The following MBNL2 variants were observed in gnomAD, a reference collection of about 807,000 sequenced individuals.
MBNL2 encodes the protein muscleblind like splicing regulator 2, also known as muscleblind-like protein 2.
MBNL2 carries 17 observed loss-of-function variants against 41.9 expected under a neutral mutation model. That is an observed-to-expected ratio of 0.41 (90% CI 0.28 to 0.61). The LOEUF (loss-of-function observed/expected upper bound fraction) is 0.61, where lower values mean the gene tolerates loss of function less well. MBNL2 is among the 20% of genes least tolerant of loss of function. The probability of loss-of-function intolerance (pLI) is 0.35; values close to 1 mark genes in which losing one functional copy is unlikely to be tolerated. For missense variants in MBNL2, 336 were observed against 505.6 expected (o/e 0.66, Z 3.22); for synonymous variants, 195 against 182.9 (o/e 1.07, Z -0.53).
chr13:97,165,654 CAG>C, the MBNL2 span, among the ~76,000 whole-genome samples: 18 of 152,162 alleles, frequency 1.2e-4, no homozygotes, highest in Non-Finnish European at 2.1e-4. Flanking sequence ...TCCGCACTAA[CAG>C]AGACACTCAA....
At chr13:97,382,098 T>A (rs1280741798) in intron 8 of MBNL2, among the ~76,000 whole-genome samples, 1 of 152,208 alleles carries the variant, frequency 6.6e-6, no homozygotes, top group African/African-American at 2.4e-5. Flanking sequence ...TTTCTTAGTG[T>A]GTCCCACATA....
intron 2 of MBNL2, among the ~76,000 whole-genome samples, chr13:97,327,908 G>A (rs938074852): frequency 3.3e-5 from 5 of 152,246 alleles, no homozygotes; most frequent in African/African-American, 9.6e-5. Flanking sequence ...AAAAGAAAGT[G>A]TCAATAGTAA....
chr13:97,388,764 C>G (rs1370196125), intron 8 of MBNL2, among the ~76,000 whole-genome samples: 1 of 152,056 alleles, frequency 6.6e-6, no homozygotes, highest in Non-Finnish European at 1.5e-5. Context: ...CCCCAGAGTA[C>G]AGATAATACA....
intron 2 of MBNL2, among the ~76,000 whole-genome samples, chr13:97,315,278 T>A (rs77245379): frequency 0.076 from 11,628 of 152,276 alleles, 665 homozygotes; most frequent in African/African-American, 0.16. Context: ...TCACTCCAGA[T>A]CTCATCCCAC....
chr13:97,225,626 G>A lies in MBNL2; in HGVS notation c.-605+3095G>A, dbSNP rs112471517. 6.2e-3 allele frequency among the ~76,000 whole-genome samples: 938 copies of A among 152,244 alleles called. 5 individuals carry two copies. Among genetic ancestry groups the A allele is most frequent in the Middle Eastern group, 0.01 (3 of 294 alleles). Reference sequence around the variant, plus strand: ...AGATAAAGGGGGTTATAAAAAGGTAGGGAGGTGTGGGCATAAAAATCAACA... The same window carrying A: ...AGATAAAGGGGGTTATAAAAAGGTAAGGAGGTGTGGGCATAAAAATCAACA... On this transcript the variant is annotated intron_variant, in intron 1 of 8. Transcript: ENST00000679496.
At chr13:97,233,541 C>A (rs1481431781) in intron 1 of MBNL2, among the ~76,000 whole-genome samples, 2 of 151,838 alleles carry the variant, frequency 1.3e-5, no homozygotes, top group Non-Finnish European at 2.9e-5. Context: ...TGAGTCTTAG[C>A]TGGTGGAAGG....
chr13:97,192,866 A>C, the MBNL2 span, among the ~76,000 whole-genome samples: 15 of 152,372 alleles, frequency 9.8e-5, no homozygotes, highest in African/African-American at 3.6e-4. Context: ...TCCAGTATCC[A>C]ATAGTTTCAC....
chr13:97,302,469 G>A (rs1450337829), intron 2 of MBNL2, among the ~76,000 whole-genome samples: 2 of 152,180 alleles, frequency 1.3e-5, no homozygotes, highest in East Asian at 1.9e-4. Flanking sequence ...GAGAATGGAC[G>A]TAATCTGGTA....
rs34820289 is a variant in MBNL2 at position 97,334,148 on chromosome 13, CCACACACACACACACA to C, written c.175-115_175-100del. 3.7e-6 allele frequency: 2 copies of C among 547,336 alleles called. No individual in the cohort carries two copies. Among genetic ancestry groups the C allele is most frequent in the Non-Finnish European group, 6.4e-6 (2 of 312,032 alleles). 33.9% of individuals were successfully genotyped at this position (547,336 alleles called of 1,614,324 possible). On this transcript the variant is annotated intron_variant, in intron 2 of 8. Coordinates refer to ENST00000679496, the MANE Select transcript of MBNL2 (RefSeq NM_001382683.1). This position sits in a 1 kb window ranked among gnomAD's most constrained non-coding sequence, Gnocchi z 5.3. ...AACACATGAGCATGCGCGCGCACAC[CCACACACACACACACA>C]CACACACACACAGGATCCTTGCTTT... is the stretch of plus-strand genomic sequence containing the variant.
intron 2 of MBNL2, among the ~76,000 whole-genome samples, chr13:97,317,682 A>C (rs76108573): frequency 3.6e-3 from 541 of 152,340 alleles, no homozygotes; most frequent in Non-Finnish European, 6.4e-3. Context: ...GTCTTGCCCT[A>C]ATAGACGGAG....
intron 2 of MBNL2, among the ~76,000 whole-genome samples, chr13:97,295,505 A>ATGT (rs71117640): frequency 0.098 from 14,893 of 152,138 alleles, 853 homozygotes; most frequent in African/African-American, 0.15. Context: ...GCCTGGGTTG[A>ATGT]TGTAGTTCTT....
chr13:97,278,115 C>T (rs545417046), intron 2 of MBNL2, among the ~76,000 whole-genome samples: 1 of 151,768 alleles, frequency 6.6e-6, no homozygotes, highest in Non-Finnish European at 1.5e-5. Flanking sequence ...ATTAGCAGGG[C>T]ATGGTGGTGC....
intron 3 of MBNL2, among the ~76,000 whole-genome samples, chr13:97,336,653 CCT>C (rs1292505265): frequency 1.3e-5 from 2 of 152,104 alleles, no homozygotes; most frequent in Non-Finnish European, 1.5e-5. Context: ...TCCCCTAGAG[CCT>C]CTGGAGGGAG....
chr13:97,254,488 G>T (rs571122622), intron 1 of MBNL2, among the ~76,000 whole-genome samples: 1 of 152,290 alleles, frequency 6.6e-6, no homozygotes, highest in East Asian at 1.9e-4. Context: ...ACAAAATCCA[G>T]TGTTATTAAC....
chr13:97,336,571 A>G (rs2060903532), intron 3 of MBNL2, among the ~76,000 whole-genome samples: 3 of 152,156 alleles, frequency 2.0e-5, no homozygotes, highest in Admixed American at 6.5e-5. Context: ...ACAGAGGCAG[A>G]TTGGATTGAT....
At chr13:97,251,680 A>C (rs2046532227) in intron 1 of MBNL2, among the ~76,000 whole-genome samples, 1 of 152,088 alleles carries the variant, frequency 6.6e-6, no homozygotes, top group South Asian at 2.1e-4. Flanking sequence ...TTATATTTTT[A>C]ATTAGATCAA....
chr13:97,206,513 C>A, the MBNL2 span, among the ~76,000 whole-genome samples: 2,562 of 152,188 alleles, frequency 0.017, 70 homozygotes, highest in African/African-American at 0.058. Context: ...ATAATAAAAA[C>A]AATTGGCAAC....
chr13:97,300,957 C>A (rs2057559922), intron 2 of MBNL2, among the ~76,000 whole-genome samples: 1 of 152,164 alleles, frequency 6.6e-6, no homozygotes, highest in Non-Finnish European at 1.5e-5. Context: ...TCATTGACAC[C>A]AGCTGTCCCC....
Position 97,305,764 on chromosome 13 carries a change from G to A in MBNL2, c.175-28512G>A, listed in dbSNP as rs370121239. Among the ~76,000 whole-genome samples the A allele has an allele frequency of 1.9e-3, 239 of 129,134 alleles. 1 individual carries two copies. The highest frequency in any genetic ancestry group is 5.5e-3 in the African/African-American group (218 of 39,776). The allele number at this position is 129,134 out of a possible 152,430, so 84.7% of individuals were successfully genotyped here. A position where few individuals can be genotyped will look rare whatever the true frequency, so the allele number is the denominator to read the frequency against. ...AGCCTGGGCAACAGAGGGAGACCCC[G>A]TCTCAAAACAAACAAACAAACAAAC... On this transcript the variant is annotated intron_variant, in intron 2 of 8. Transcript: ENST00000679496.
Sources: gnomAD v4.1 joint callset for allele counts (sites outside exome capture counted in the v4.1 genomes callset) on GRCh38, gnomAD v4.1.1 for gene constraint, Gnocchi (gnomAD v3.1) non-coding constraint, MANE v1.5 for transcripts, NCBI Gene and HGNC (gene_info 2026-07-23, HGNC 2026-07-21) for gene names.